NRG1: variants seen among roughly 807,000 people sequenced by gnomAD.
NRG1 encodes the protein neuregulin 1.
A neutral mutation model predicts 63.8 loss-of-function variants in NRG1; 18 were observed. The observed-to-expected ratio is 0.28, with a 90% CI of 0.19 to 0.42. The LOEUF (loss-of-function observed/expected upper bound fraction) is 0.42, where lower values mean the gene tolerates loss of function less well. NRG1 is among the 10% of genes least tolerant of loss of function. The pLI, the probability that NRG1 is intolerant of heterozygous loss-of-function variation, is 1.00. For missense variants in NRG1, 762 were observed against 814.7 expected, an observed-to-expected ratio of 0.94 and a Z score of 0.79; for synonymous variants, 302 against 301.3, an observed-to-expected ratio of 1.00 and a Z score of -0.02.
At chr8:32,232,458 C>T (rs916646932) in intron 1 of NRG1, among the ~76,000 whole-genome samples, 1 of 151,960 alleles carries the variant, frequency 6.6e-6, no homozygotes, top group African/African-American at 2.4e-5. Context: ...AAAAATTGGA[C>T]CTGAAAATTT....
At chr8:31,699,672 C>T (rs901964795) in intron 1 of NRG1, among the ~76,000 whole-genome samples, 2 of 151,644 alleles carry the variant, frequency 1.3e-5, no homozygotes, top group African/African-American at 4.8e-5. Context: ...TGAAGCAAAA[C>T]TTTAAAAAGG....
At chr8:31,711,062 A>C (rs1381178614) in intron 1 of NRG1, among the ~76,000 whole-genome samples, 1 of 152,094 alleles carries the variant, frequency 6.6e-6, no homozygotes, top group African/African-American at 2.4e-5. Flanking sequence ...TGCTTTAATG[A>C]TATTACTTGA....
chr8:32,070,053 T>C (rs1302838420), intron 1 of NRG1, among the ~76,000 whole-genome samples: 1 of 152,182 alleles, frequency 6.6e-6, no homozygotes, highest in Non-Finnish European at 1.5e-5. Context: ...ATTTAAGATG[T>C]CAATAAAAGG....
rs149391068 is a variant in NRG1 at position 31,826,967 on chromosome 8, C to T, written c.37+187536C>T. ...CTTCATAAGATAATTTTATAAACCCCTGGAAGGAAGATTGTTCATTGGGCT... is the reference window on the plus strand; with the variant it reads ...CTTCATAAGATAATTTTATAAACCCTTGGAAGGAAGATTGTTCATTGGGCT... On this transcript the variant is annotated intron_variant, in intron 1 of 10. Transcript: ENST00000519301. Among the ~76,000 whole-genome samples, 121 of 152,188 alleles carry T rather than the reference C, an allele frequency of 8.0e-4. No homozygotes were observed. In the Middle Eastern group the frequency reaches 0.034, roughly 43 times the overall value.
chr8:31,735,691 AC>A (rs1166553747), intron 1 of NRG1, among the ~76,000 whole-genome samples: 18 of 152,214 alleles, frequency 1.2e-4, no homozygotes, highest in Non-Finnish European at 2.1e-4. Flanking sequence ...ATTTGCCAAC[AC>A]ATAGATGTAT....
At chr8:32,099,185 G>A (rs1410583613) in intron 1 of NRG1, among the ~76,000 whole-genome samples, 1 of 152,166 alleles carries the variant, frequency 6.6e-6, no homozygotes, top group Non-Finnish European at 1.5e-5. Context: ...AGGGCTATGT[G>A]CTTTACTGAT....
At chr8:32,537,185 G>A (rs1832074335) in intron 1 of NRG1, among the ~76,000 whole-genome samples, 1 of 67,722 alleles carries the variant, frequency 1.5e-5, no homozygotes, top group South Asian at 5.1e-4. Context: ...GGCACAGTGA[G>A]ACTCCATCTC....
At chr8:32,280,691 G>GTTTTTTTTTTT (rs1174950316) in intron 1 of NRG1, among the ~76,000 whole-genome samples, 422 of 57,186 alleles carry the variant, frequency 7.4e-3, no homozygotes, top group Non-Finnish European at 0.01. Context: ...TTTTTTTTTT[G>GTTTTTTTTTTT]TTTTTTTTTT....
At chr8:31,840,642 A>C (rs2129607635) in intron 1 of NRG1, among the ~76,000 whole-genome samples, 1 of 152,246 alleles carries the variant, frequency 6.6e-6, no homozygotes, top group African/African-American at 2.4e-5. Flanking sequence ...TCTCAGATGG[A>C]AAATCACTAG....
At chr8:31,942,560 T>A (rs1254811515) in intron 1 of NRG1, among the ~76,000 whole-genome samples, 1 of 151,646 alleles carries the variant, frequency 6.6e-6, no homozygotes, top group Admixed American at 6.6e-5. Context: ...AACTAAAAAG[T>A]TTCTGCACAG....
chr8:32,659,147 T>TTTTC (rs1455716325), intron 5 of NRG1, among the ~76,000 whole-genome samples: 1 of 39,254 alleles, frequency 2.5e-5, no homozygotes, highest in Admixed American at 4.0e-4. Flanking sequence ...TTTTCTTTTC[T>TTTTC]TTTTTTTTTT....
chr8:32,392,192 A>G (rs1811861887), intron 1 of NRG1, among the ~76,000 whole-genome samples: 1 of 152,208 alleles, frequency 6.6e-6, no homozygotes, highest in African/African-American at 2.4e-5. Context: ...CAATAAGGGG[A>G]CCATATATAA....
At chr8:32,176,102 A>G (rs552660722) in intron 1 of NRG1, among the ~76,000 whole-genome samples, 34 of 152,336 alleles carry the variant, frequency 2.2e-4, no homozygotes, top group African/African-American at 7.5e-4. Context: ...AGTAACCAAA[A>G]CAGCATGGTA....
chr8:32,255,323 C>G (rs1322661736), intron 1 of NRG1, among the ~76,000 whole-genome samples: 1 of 152,188 alleles, frequency 6.6e-6, no homozygotes, highest in African/African-American at 2.4e-5. Flanking sequence ...TTTGTGGTGG[C>G]TGTTACCAGT....
At chr8:32,095,903 A>C (rs974028918) in intron 1 of NRG1, among the ~76,000 whole-genome samples, 5 of 152,232 alleles carry the variant, frequency 3.3e-5, no homozygotes, top group Non-Finnish European at 5.9e-5. Context: ...ATAAAATAAT[A>C]AGAAGGTAAT....
At chr8:32,517,081 T>C (rs1328771345) in intron 1 of NRG1, among the ~76,000 whole-genome samples, 3 of 152,314 alleles carry the variant, frequency 2.0e-5, no homozygotes, top group Admixed American at 1.3e-4. Flanking sequence ...TGGCTGAATT[T>C]ATAGTTCTCC....
chr8:32,387,677 C>A (rs1257135383), intron 1 of NRG1, among the ~76,000 whole-genome samples: 1 of 151,948 alleles, frequency 6.6e-6, no homozygotes, highest in African/African-American at 2.4e-5. Context: ...CCAACCCACA[C>A]CCTTTTCCTA....
intron 1 of NRG1, among the ~76,000 whole-genome samples, chr8:32,389,644 T>A (rs1045385927): frequency 6.6e-6 from 1 of 152,194 alleles, no homozygotes; most frequent in African/African-American, 2.4e-5. Context: ...AATGGTCTCC[T>A]ACTTTCTGGT....
chr8:32,372,007 TTA>T (rs1491209599), intron 1 of NRG1, among the ~76,000 whole-genome samples: 7,945 of 148,950 alleles, frequency 0.053, 333 homozygotes, highest in Middle Eastern at 0.094. Flanking sequence ...TTTTTTTTTT[TTA>T]AAAGGGTTGT....
Sources: gnomAD v4.1 joint callset for allele counts (sites outside exome capture counted in the v4.1 genomes callset) on GRCh38, gnomAD v4.1.1 for gene constraint, MANE v1.5 for transcripts, NCBI Gene and HGNC (gene_info 2026-07-23, HGNC 2026-07-21) for gene names.